The following NCOA7 variants were observed in gnomAD, a reference collection of about 807,000 sequenced individuals.
NCOA7 encodes the protein 140 kDa estrogen receptor-associated protein.
Under a neutral mutation model 104.3 loss-of-function variants are expected in NCOA7, and 45 were observed. The ratio of observed to expected loss-of-function variants is 0.43; its 90% CI spans 0.34 to 0.55. The LOEUF is 0.55. Ranked by LOEUF, NCOA7 falls within the 20% of genes least tolerant of loss-of-function variation. The probability of loss-of-function intolerance (pLI) is 0.02; values close to 1 mark genes in which losing one functional copy is unlikely to be tolerated. For synonymous variants in NCOA7, 398 were observed against 402.3 expected (o/e 0.99, Z 0.13); for missense variants, 1,041 against 1,119.7 (o/e 0.93, Z 1.00).
At chr6:125,799,459 T>C (rs1420525387) in intron 1 of NCOA7, among the ~76,000 whole-genome samples, 1 of 133,676 alleles carries the variant, frequency 7.5e-6, no homozygotes, top group African/African-American at 2.6e-5. Flanking sequence ...TTTTTTTTTT[T>C]GATAGAATCT....
chr6:125,807,618 C>G (rs1776580910), intron 1 of NCOA7, among the ~76,000 whole-genome samples: 1 of 152,204 alleles, frequency 6.6e-6, no homozygotes, highest in South Asian at 2.1e-4. Context: ...TAATAATTGA[C>G]TCCTTTCTAC....
chr6:125,875,084 C>A, intron 4 of NCOA7, 116 bp downstream of exon 4: 1 of 722,864 alleles, frequency 1.4e-6, no homozygotes. Context: ...ATTAAACAAT[C>A]AAGCTTCTTA....
intron 10 of NCOA7, among the ~76,000 whole-genome samples, chr6:125,912,494 C>T (rs1786665361): frequency 6.6e-6 from 1 of 152,166 alleles, no homozygotes; most frequent in Non-Finnish European, 1.5e-5. Flanking sequence ...AGGTGGGACA[C>T]TAGGGTGTCA....
intron 12 of NCOA7, among the ~76,000 whole-genome samples, chr6:125,921,963 T>G (rs1194564126): frequency 6.6e-6 from 1 of 152,204 alleles, no homozygotes; most frequent in Non-Finnish European, 1.5e-5. Context: ...TTTAGAGACC[T>G]TAAATAATCA....
intron 1 of NCOA7, among the ~76,000 whole-genome samples, chr6:125,804,432 A>G (rs1776221305): frequency 1.3e-5 from 2 of 152,178 alleles, no homozygotes; most frequent in South Asian, 4.1e-4. Flanking sequence ...CTCTTGTGAC[A>G]GGTAATCAAA....
chr6:125,908,605 A>G (rs1270129484), intron 10 of NCOA7, among the ~76,000 whole-genome samples: 2 of 152,202 alleles, frequency 1.3e-5, no homozygotes, highest in Non-Finnish European at 2.9e-5. Context: ...AATCCTACAG[A>G]CTTTATATAA....
chr6:125,883,001 G>A (rs534345240), intron 7 of NCOA7, among the ~76,000 whole-genome samples: 134 of 152,300 alleles, frequency 8.8e-4, no homozygotes, highest in Non-Finnish European at 1.3e-3. Context: ...ATAATGAAAA[G>A]TGATAATTTA....
chr6:125,899,969 A>C (rs776333645), intron 10 of NCOA7: 15 of 532,482 alleles, frequency 2.8e-5, no homozygotes, highest in Non-Finnish European at 5.4e-5. Context: ...CTGAGGGTCC[A>C]TTTCCACTGC....
intron 3 of NCOA7, among the ~76,000 whole-genome samples, chr6:125,857,773 A>T (rs966854270): frequency 6.6e-6 from 1 of 151,968 alleles, no homozygotes; most frequent in Non-Finnish European, 1.5e-5. Context: ...TTTAGTAGAG[A>T]TGGGATTTCA....
intron 2 of NCOA7, among the ~76,000 whole-genome samples, chr6:125,819,750 G>A (rs984067640): frequency 6.6e-6 from 1 of 152,070 alleles, no homozygotes; most frequent in Admixed American, 6.5e-5. Flanking sequence ...CCTTCCCCTT[G>A]TAGTTAGAAT....
intron 2 of NCOA7, among the ~76,000 whole-genome samples, chr6:125,843,753 T>C (rs1780362055): frequency 6.6e-6 from 1 of 152,182 alleles, no homozygotes; most frequent in African/African-American, 2.4e-5. Flanking sequence ...ATGAGATATA[T>C]ATTACCATTG....
In NCOA7 at chr6:125,878,383, T is replaced by C. The variant is rs763330004; in HGVS notation, c.459+13T>C. 11 of 1,558,634 alleles carry C rather than the reference T, an allele frequency of 7.1e-6. No individual in the cohort carries two copies. The highest frequency in any genetic ancestry group is 9.7e-6 in the Non-Finnish European group (11 of 1,138,550). ...TGTTCCAGGCCAGGTAATTATACTC[T>C]TACTGGATATAACTCTAGAAATTCT... On this transcript the variant is annotated intron_variant, in intron 5 of 15. Coordinates refer to ENST00000392477, the MANE Select transcript of NCOA7 (RefSeq NM_181782.5).
Position 125,922,770 on chromosome 6 carries a change from T to G in NCOA7, c.2459T>G (p.Leu820Arg). The G allele has an allele frequency of 1.2e-6, 2 of 1,614,154 alleles. No individual in the cohort carries two copies. Among genetic ancestry groups the G allele is most frequent in the Non-Finnish European group, 1.7e-6 (2 of 1,180,032 alleles). ...TLEHGTSLKT[L>R]YRKSASLDSP... ...GAGCACGGGACCAGCTTAAAGACGC[T>G]CTACCGGAAATCGGCATCACTAGAC... Residue 820 changes from leucine to arginine, a missense_variant, in exon 13 of 16, where the codon CTC becomes CGC. Physicochemically the swap from Leu to Arg is moderately radical, Grantham distance 102 (BLOSUM62 -2). Transcript: ENST00000392477.
intron 10 of NCOA7, among the ~76,000 whole-genome samples, chr6:125,897,222 C>T (rs781028910): frequency 6.6e-6 from 1 of 152,280 alleles, no homozygotes; most frequent in East Asian, 1.9e-4. Context: ...AGTTCATCAC[C>T]CAGAGTTCTC....
intron 2 of NCOA7, among the ~76,000 whole-genome samples, chr6:125,834,412 G>A (rs186717898): frequency 6.6e-6 from 1 of 152,074 alleles, no homozygotes; most frequent in African/African-American, 2.4e-5. Context: ...TTACTTAGTT[G>A]TTTATTGTTA....
intron 3 of NCOA7, chr6:125,855,478 C>T: frequency 5.5e-6 from 2 of 364,480 alleles, no homozygotes; most frequent in African/African-American, 4.2e-5. Context: ...TTGTGTACTA[C>T]TAAACGTTTA....
At chr6:125,924,298 C>T (rs747426616) in intron 13 of NCOA7, among the ~76,000 whole-genome samples, 2 of 152,176 alleles carry the variant, frequency 1.3e-5, no homozygotes, top group African/African-American at 4.8e-5. Context: ...ACAGTTTTAC[C>T]AAACTTCCTG....
In NCOA7 at chr6:125,928,882, C is replaced by G. The variant is rs1016903192; in HGVS notation, c.*111C>G. ...CAGCCTGCCTCATCCCACCCCAATG[C>G]TTCCTTTCTGCCATCATCTCAGAGC... is the stretch of plus-strand genomic sequence containing the variant. On this transcript the variant is annotated 3_prime_UTR_variant, in exon 16 of 16. Coordinates refer to ENST00000392477, the MANE Select transcript of NCOA7 (RefSeq NM_181782.5). The G allele has an allele frequency of 2.6e-6, 3 of 1,172,706 alleles. No homozygotes were observed. Among genetic ancestry groups the G allele is most frequent in the Non-Finnish European group, 3.5e-6 (3 of 845,356 alleles). The allele number at this position is 1,172,706 out of a possible 1,614,324, so 72.6% of individuals were successfully genotyped here.
chr6:125,826,202 CTG>C (rs1294757881), intron 2 of NCOA7, among the ~76,000 whole-genome samples: 1 of 152,072 alleles, frequency 6.6e-6, no homozygotes, highest in African/African-American at 2.4e-5. Context: ...CAGTGTGTGT[CTG>C]TAGTCCCAGC....
Sources: gnomAD v4.1 joint callset for allele counts (sites outside exome capture counted in the v4.1 genomes callset) on GRCh38, gnomAD v4.1.1 for gene constraint, MANE v1.5 for transcripts, NCBI Gene and HGNC (gene_info 2026-07-23, HGNC 2026-07-21) for gene names.